Variants in ABTB2 observed in about 807,000 individuals in gnomAD.
The protein encoded by ABTB2 is ankyrin repeat and BTB domain containing 2.
A neutral mutation model predicts 104.1 loss-of-function variants in ABTB2; 56 were observed. That is an observed-to-expected ratio of 0.54 (90% CI 0.43 to 0.67). ABTB2 has a LOEUF of 0.67. ABTB2 is among the 30% of genes least tolerant of loss of function. The pLI is 0.00. For missense variants in ABTB2, 1,279 were observed against 1,407.7 expected, an observed-to-expected ratio of 0.91 and a Z score of 1.46; for synonymous variants, 606 against 608.2, an observed-to-expected ratio of 1.00 and a Z score of 0.05.
intron 1 of ABTB2, among the ~76,000 whole-genome samples, chr11:34,349,293 A>G (rs2078164): frequency 0.59 from 89,940 of 151,976 alleles, 28,997 homozygotes; most frequent in African/African-American, 0.84. Context: ...CCTGGCAGAG[A>G]TGGGCTTGAG....
chr11:34,343,656 T>TTTTTTTTTTTTTTTTTTTTTTG (rs1313423254), intron 1 of ABTB2, among the ~76,000 whole-genome samples: 3 of 151,692 alleles, frequency 2.0e-5, no homozygotes, highest in Non-Finnish European at 4.4e-5. Flanking sequence ...GTATTTTTAG[T>TTTTTTTTTTTTTTTTTTTTTTG]AGAGACAGGG....
rs377616865 is a variant in ABTB2 at position 34,339,058 on chromosome 11, T to C, written c.883+17643A>G. ...TCTTACTGTGTGCCAAGCCTTATGT[T>C]AACTGTTTTATATACATTTTGCTAT... On this transcript the variant is annotated intron_variant, in intron 1 of 16. Transcript: ENST00000435224. Among the ~76,000 whole-genome samples, 8 of 152,360 alleles carry C rather than the reference T, an allele frequency of 5.3e-5. No individual in the cohort carries two copies. In the East Asian group the frequency reaches 1.2e-3, roughly 22 times the overall value.
intron 1 of ABTB2, among the ~76,000 whole-genome samples, chr11:34,274,528 T>C (rs1315455705): frequency 6.6e-6 from 1 of 151,892 alleles, no homozygotes; most frequent in Non-Finnish European, 1.5e-5. Context: ...ATATGATCTT[T>C]GCATCCCTGC....
At chr11:34,343,988 T>C (rs989938680) in intron 1 of ABTB2, among the ~76,000 whole-genome samples, 1 of 152,086 alleles carries the variant, frequency 6.6e-6, no homozygotes, top group Non-Finnish European at 1.5e-5. Context: ...CTGCCCCTCC[T>C]GAGCAGCCGA....
In ABTB2 at chr11:34,239,351, A is replaced by G. The variant is rs143225258; in HGVS notation, c.884-34661T>C. Among the ~76,000 whole-genome samples, 5 of 150,646 alleles carry G rather than the reference A, an allele frequency of 3.3e-5. No homozygotes were observed. The East Asian group carries it at 9.8e-4, about 29-fold the overall frequency. On this transcript the variant is annotated intron_variant, in intron 1 of 16. Transcript: ENST00000435224. Reference sequence around the variant, plus strand: ...GATGCTGCTGTCTTTTTTTAAATTTATTTTTTTTTGGAGACAGGGTGCCCC... The same window carrying G: ...GATGCTGCTGTCTTTTTTTAAATTTGTTTTTTTTTGGAGACAGGGTGCCCC...
chr11:34,209,743 G>A (rs1412511947), intron 1 of ABTB2, among the ~76,000 whole-genome samples: 1 of 27,396 alleles, frequency 3.7e-5, no homozygotes, highest in African/African-American at 2.3e-4. Flanking sequence ...GGGTGGGGGT[G>A]GGGGTAGGGG....
At chr11:34,261,130 GC>G (rs368273542) in intron 1 of ABTB2, among the ~76,000 whole-genome samples, 37 of 151,246 alleles carry the variant, frequency 2.4e-4, no homozygotes, top group African/African-American at 8.3e-4. Context: ...CTCCCCGCCT[GC>G]CCCCCCCAAA....
At chr11:34,222,382 C>T (rs1853635909) in intron 1 of ABTB2, among the ~76,000 whole-genome samples, 1 of 152,164 alleles carries the variant, frequency 6.6e-6, no homozygotes, top group South Asian at 2.1e-4. Flanking sequence ...ATGGCCTGAA[C>T]TAGTCTTTCA....
chr11:34,340,516 A>G (rs974575419), intron 1 of ABTB2, among the ~76,000 whole-genome samples: 2 of 152,206 alleles, frequency 1.3e-5, no homozygotes, highest in African/African-American at 4.8e-5. Flanking sequence ...GAACCAACCC[A>G]GGACCCAGGT....
chr11:34,324,083 G>A (rs1333700477), intron 1 of ABTB2, among the ~76,000 whole-genome samples: 1 of 151,656 alleles, frequency 6.6e-6, no homozygotes, highest in Non-Finnish European at 1.5e-5. Context: ...GTTAGTTTTT[G>A]TATTTTTAGT....
At chr11:34,283,281 C>A (rs1443984977) in intron 1 of ABTB2, among the ~76,000 whole-genome samples, 2 of 151,764 alleles carry the variant, frequency 1.3e-5, no homozygotes, top group Non-Finnish European at 2.9e-5. Flanking sequence ...AGTGGCACGA[C>A]CTCAGCTCAC....
intron 1 of ABTB2, among the ~76,000 whole-genome samples, chr11:34,299,777 A>C (rs562100871): frequency 6.6e-6 from 1 of 152,214 alleles, no homozygotes; most frequent in Non-Finnish European, 1.5e-5. Flanking sequence ...TTACATTAGA[A>C]ATAAGAGGGC....
intron 3 of ABTB2, among the ~76,000 whole-genome samples, chr11:34,182,207 T>C (rs976476220): frequency 6.6e-6 from 1 of 152,262 alleles, no homozygotes; most frequent in Admixed American, 6.5e-5. Context: ...AGCCAAAACA[T>C]CCACGTAGGA....
At chr11:34,330,038 G>C (rs998260353) in intron 1 of ABTB2, among the ~76,000 whole-genome samples, 1 of 152,214 alleles carries the variant, frequency 6.6e-6, no homozygotes, top group Admixed American at 6.5e-5. Flanking sequence ...GCTGGGAAGT[G>C]CCAGGGACTT....
At position 34,197,301 on chromosome 11, in the gene ABTB2, G is replaced by T. The variant is rs369991325; in HGVS notation, c.1244+24C>A. 21 of 1,611,952 alleles carry T rather than the reference G, an allele frequency of 1.3e-5. No homozygotes were observed. In the African/African-American group the frequency reaches 2.3e-4, roughly 17 times the overall value. ...CGTTTGGGAGCACGTCCCACCAGGT[G>T]CTCAGCCCAAGGAAGATCCCTACCG... On this transcript the variant is annotated intron_variant, in intron 3 of 16. Coordinates refer to ENST00000435224, the MANE Select transcript of ABTB2 (RefSeq NM_145804.3).
At chr11:34,297,548 T>C (rs1441906034) in intron 1 of ABTB2, among the ~76,000 whole-genome samples, 2 of 151,892 alleles carry the variant, frequency 1.3e-5, no homozygotes, top group Non-Finnish European at 2.9e-5. Flanking sequence ...TCCCAGCACT[T>C]TGGGAGGCTG....
chr11:34,343,388 A>G (rs11606953), intron 1 of ABTB2, among the ~76,000 whole-genome samples: 201 of 152,298 alleles, frequency 1.3e-3, no homozygotes, highest in Non-Finnish European at 1.9e-3. Context: ...TGCTACCCAC[A>G]TGGTCTGGGC....
intron 1 of ABTB2, among the ~76,000 whole-genome samples, chr11:34,229,339 G>C (rs1398520662): frequency 6.6e-6 from 1 of 151,576 alleles, no homozygotes; most frequent in African/African-American, 2.4e-5. Flanking sequence ...AAATTAGCCA[G>C]GTGTGGTGGC....
chr11:34,274,179 AAAAAAAAAAG>A (rs1854355552), intron 1 of ABTB2, among the ~76,000 whole-genome samples: 1 of 145,058 alleles, frequency 6.9e-6, no homozygotes, highest in African/African-American at 2.5e-5. Context: ...AAAAAAAAAA[AAAAAAAAAAG>A]ATATTTAACT....
Sources: allele counts gnomAD v4.1 joint callset (sites outside exome capture counted in the v4.1 genomes callset), GRCh38; gene constraint gnomAD v4.1.1; transcripts MANE v1.5; gene names NCBI Gene and HGNC (gene_info 2026-07-23, HGNC 2026-07-21).